The following MUC4 variants were observed in gnomAD, a reference collection of about 807,000 sequenced individuals.
MUC4 encodes the protein mucin-4.
MUC4 carries 202 observed loss-of-function variants against 257.9 expected under a neutral mutation model. The observed-to-expected ratio is 0.78, with a 90% CI of 0.70 to 0.88. MUC4 has a LOEUF of 0.88. Ranked by LOEUF, MUC4 falls within the 40% of genes least tolerant of loss-of-function variation. MUC4 has a pLI of 0.00. For synonymous variants in MUC4, 2,351 were observed against 2,757.1 expected (o/e 0.85, Z 4.62); for missense variants, 5,976 against 6,513.7 (o/e 0.92, Z 2.84).
chr3:195,767,590 ACCACCACCATCATCACCATTG>A lies in MUC4; in HGVS notation c.13530-860_13530-840del, dbSNP rs1302885500. Reference sequence around the variant, plus strand: ...CACCACCATCACCACCACCATCACCACCACCACCATCATCACCATTGCCACCACCATCACCACCATCACCAC... The same window carrying A: ...CACCACCATCACCACCACCATCACCACCACCACCATCACCACCATCACCAC... On this transcript the variant is annotated intron_variant, in intron 7 of 24. Transcript: ENST00000463781. Among the ~76,000 whole-genome samples the A allele has an allele frequency of 1.3e-4, 15 of 119,186 alleles. 1 individual carries two copies. Among genetic ancestry groups the A allele is most frequent in the African/African-American group, 4.0e-4 (10 of 25,080 alleles). The allele number at this position is 119,186 out of a possible 152,430, so 78.2% of individuals were successfully genotyped here.
rs1226168366 is a variant in MUC4, at chr3:195,778,216, G to A, written c.12943+87C>T. 4.8e-6 allele frequency: 7 copies of A among 1,464,074 alleles called. No homozygotes were observed. In the East Asian group the frequency reaches 7.3e-5, roughly 15 times the overall value. 90.7% of individuals were successfully genotyped at this position (1,464,074 alleles called of 1,614,324 possible). A position where few individuals can be genotyped will look rare whatever the true frequency, so the allele number is the denominator to read the frequency against. ...TCGGTAAGGCCCTCCCCACCCGAGA[G>A]AGCGGAGACTGTGGGAAGTAGGCTG... On this transcript the variant is annotated intron_variant, in intron 3 of 24. Coordinates refer to ENST00000463781, the MANE Select transcript of MUC4 (RefSeq NM_018406.7).
At chr3:195,752,149 G>T in intron 21 of MUC4, 1 of 561,886 alleles carries the variant, frequency 1.8e-6, no homozygotes, top group Non-Finnish European at 3.2e-6. Context: ...CTCGGCTGGG[G>T]TGACTTGGCA....
chr3:195,759,338 C>A (rs1006926985), intron 16 of MUC4, 77 bp from the exon 17 acceptor site: 2 of 1,559,004 alleles, frequency 1.3e-6, no homozygotes, highest in Non-Finnish European at 1.7e-6. Context: ...TTTCTCAACT[C>A]TAATATGTGT....
At position 195,780,298 on chromosome 3, in the gene MUC4, A is replaced by G. The variant is rs1256843470; in HGVS notation, c.11282T>C (p.Leu3761Pro). 6.6e-6 allele frequency: 10 copies of G among 1,520,126 alleles called. No individual in the cohort carries two copies. Among genetic ancestry groups the G allele is most frequent in the Middle Eastern group, 2.2e-4 (1 of 4,462 alleles). 94.2% of individuals were successfully genotyped at this position (1,520,126 alleles called of 1,614,324 possible). Residue 3761 changes from leucine (L) to proline (P), a missense_variant, in exon 2 of 25, where the codon CTT (leucine) becomes CCT (proline). Leu to Pro is a moderately conservative substitution (Grantham distance 98). This residue lies in a region of MUC4 where 330 missense variants were observed against 262.0 expected (regional missense o/e 1.26). Coordinates refer to ENST00000463781, the MANE Select transcript of MUC4 (RefSeq NM_018406.7). ...CACTGAGGAAGCGTCGGTGACAAGA[A>G]GAGGGGTGGCGTGACCTGTGGATGC... ...SSASTGHATP[L>P]LVTDASSVST...
rs1491301980 is a variant in MUC4, at chr3:195,746,905, T to TGC, written c.*269_*270dup. 18 of 550,896 alleles carry TGC rather than the reference T, an allele frequency of 3.3e-5. No homozygotes were observed. In the African/African-American group the frequency reaches 3.4e-4, roughly 11 times the overall value. 34.1% of individuals were successfully genotyped at this position (550,896 alleles called of 1,614,324 possible). ...GAACTCGTGTGTGTGTGTGTGTGTG[T>TGC]GCACGCGCGCGTGCACAGGCTAGTG... On this transcript the variant is annotated 3_prime_UTR_variant, in exon 25 of 25. Transcript: ENST00000463781.
In MUC4 at chr3:195,791,151, G is replaced by A; in HGVS notation, c.429C>T (p.Ser143=). ...CTGTGTTTCCAAGAGTGGAGTCTGT[G>A]GAGGTTGTCATTGTTATAGTCTTTG... The part of the protein sequence containing the change: ...MTSKTITMTT[S]TDSTLGNTEE... Residue 143 remains serine, a synonymous_variant, in exon 2 of 25, where the codon TCC becomes TCT. Transcript: ENST00000463781. 6.2e-7 allele frequency: 1 copy of A among 1,613,944 alleles called. No individual in the cohort carries two copies. Among genetic ancestry groups the A allele is most frequent in the Non-Finnish European group, 8.5e-7 (1 of 1,179,882 alleles).
rs754224224 is a variant in MUC4 at position 195,763,518 on chromosome 3, C to A, written c.14168G>T (p.Arg4723Leu). 2 of 1,565,008 alleles carry A rather than the reference C, an allele frequency of 1.3e-6. No individual in the cohort carries two copies. The highest frequency in any genetic ancestry group is 1.4e-5 in the African/African-American group (1 of 73,544). Residue 4723 changes from arginine (R) to leucine (L), a missense_variant, in exon 12 of 25, where the codon CGC becomes CTC. Coordinates refer to ENST00000463781, the MANE Select transcript of MUC4 (RefSeq NM_018406.7). ...DGNSSFLLQG[R>L]TAQTGSAQAT... Reference sequence around the variant, plus strand: ...CTGGGCTGAGCCAGTCTGGGCGGTGCGGCCCTGAAGCAGGAAGGAGGAGTT... The same window carrying A: ...CTGGGCTGAGCCAGTCTGGGCGGTGAGGCCCTGAAGCAGGAAGGAGGAGTT...
At position 195,751,217 on chromosome 3, in the gene MUC4, C is replaced by T. The variant is rs749877431; in HGVS notation, c.15637G>A (p.Val5213Met). 1.9e-6 allele frequency: 3 copies of T among 1,606,396 alleles called. No individual in the cohort carries two copies. The highest frequency in any genetic ancestry group is 2.5e-6 in the Non-Finnish European group (3 of 1,176,870). ...DMRAFLRNSQ[V>M]ERIDSAAPAS... ...CACAGTCCCACTTACATTCGTTCCA[C>T]TTGGCTGTTGCGGAGAAAGGCCCGC... is the stretch of plus-strand genomic sequence containing the variant. The change falls in exon 22 of 25, where the codon GTG becomes ATG. Residue 5213 changes from valine to methionine, a missense_variant. Physicochemically the swap from Val to Met is conservative, Grantham distance 21. This residue lies in a region of MUC4 where 996 missense variants were observed against 1,137.3 expected (regional missense o/e 0.88). Coordinates refer to ENST00000463781, the MANE Select transcript of MUC4 (RefSeq NM_018406.7).
rs1468025224 is a variant in MUC4, at chr3:195,750,926, C to T, written c.15834G>A (p.Gln5278=). 1 of 1,613,902 alleles carries T rather than the reference C, an allele frequency of 6.2e-7. No homozygotes were observed. Among genetic ancestry groups the T allele is most frequent in the Non-Finnish European group, 8.5e-7 (1 of 1,180,040 alleles). ...CGCGCACGTCTTCCCCGGAGATGGG[C>T]TGGAAGACCACGTCGTTCCTGGGCT... ...SEEPRNDVVF[Q]PISGEDVRDV... The change falls in exon 23 of 25, where the codon CAG becomes CAA. Residue 5278 remains glutamine (Q), a synonymous_variant. Coordinates refer to ENST00000463781, the MANE Select transcript of MUC4 (RefSeq NM_018406.7).
chr3:195,800,385 TG>T (rs1029835973), intron 1 of MUC4, among the ~76,000 whole-genome samples: 1 of 152,218 alleles, frequency 6.6e-6, no homozygotes, highest in African/African-American at 2.4e-5. Flanking sequence ...TAGAGTTTCC[TG>T]CTGCCGCAAA....
intron 4 of MUC4, among the ~76,000 whole-genome samples, chr3:195,773,601 T>G (rs1204262213): frequency 7.3e-6 from 1 of 137,376 alleles, no homozygotes; most frequent in Non-Finnish European, 1.6e-5. Flanking sequence ...TCAGCAGGTG[T>G]GGACACCCTC....
chr3:195,773,328 TG>T (rs201444158), intron 4 of MUC4, among the ~76,000 whole-genome samples: 3,767 of 119,210 alleles, frequency 0.032, 111 homozygotes, highest in Middle Eastern at 0.044. Context: ...GCTCAGCAGG[TG>T]TAGGCACCCC....
intron 21 of MUC4, chr3:195,751,501 C>A (rs564092566): frequency 1.7e-5 from 10 of 590,564 alleles, no homozygotes; most frequent in East Asian, 8.4e-5. Flanking sequence ...TCCATTCTGT[C>A]CCCCCCTCAG....
intron 3 of MUC4, among the ~76,000 whole-genome samples, chr3:195,777,898 A>T (rs77840946): frequency 3.9e-5 from 1 of 25,876 alleles, no homozygotes; most frequent in South Asian, 1.3e-3. Flanking sequence ...TACCTTCCAC[A>T]GCCATACCTT....
chr3:195,748,697 A>T (rs539363082), intron 24 of MUC4, among the ~76,000 whole-genome samples: 2 of 151,116 alleles, frequency 1.3e-5, no homozygotes, highest in Non-Finnish European at 3.0e-5. Context: ...AAGCCCCCCT[A>T]TGGCTCTTTT....
chr3:195,772,212 A>G (rs1578116699), intron 4 of MUC4, among the ~76,000 whole-genome samples: 2 of 149,590 alleles, frequency 1.3e-5, no homozygotes, highest in South Asian at 2.1e-4. Context: ...TCCATCGCTC[A>G]GTGGGTGGAG....
intron 2 of MUC4, 135 bp downstream of exon 2, chr3:195,778,655 T>C: frequency 7.9e-7 from 1 of 1,268,188 alleles, no homozygotes; most frequent in Admixed American, 2.5e-5. Flanking sequence ...ACCACACCCA[T>C]CACCTCCTCC....
intron 8 of MUC4, among the ~76,000 whole-genome samples, chr3:195,765,717 T>A (rs184989976): frequency 6.6e-6 from 1 of 152,360 alleles, no homozygotes; most frequent in East Asian, 1.9e-4. Flanking sequence ...AAGGCTAAAA[T>A]GTCCTTCAAC....
chr3:195,786,526 C>T lies in MUC4; in HGVS notation c.5054G>A (p.Gly1685Asp), dbSNP rs201019164. ...GTCATCTGTGGTAGCTGAGGAAAGG[C>T]CGGTGACAGGAAGAGGGGTGGCGTG... is the stretch of plus-strand genomic sequence containing the variant. ...TGHATPLPVTGLSSATTDDTT... is the reference protein window; with the variant it reads ...TGHATPLPVTDLSSATTDDTT... The change falls in exon 2 of 25, where the codon GGC becomes GAC. Residue 1685 changes from glycine to aspartate, a missense_variant. Coordinates refer to ENST00000463781, the MANE Select transcript of MUC4 (RefSeq NM_018406.7). 2.0e-5 allele frequency: 23 copies of T among 1,149,972 alleles called. 2 individuals are homozygous for T. Among genetic ancestry groups the T allele is most frequent in the African/African-American group, 1.1e-4 (4 of 37,788 alleles). 71.2% of individuals were successfully genotyped at this position (1,149,972 alleles called of 1,614,324 possible). A position where few individuals can be genotyped will look rare whatever the true frequency, so the allele number is the denominator to read the frequency against.
Sources: allele counts gnomAD v4.1 joint callset (sites outside exome capture counted in the v4.1 genomes callset), GRCh38; gene constraint gnomAD v4.1.1; regional missense constraint gnomAD v4.1.1; transcripts MANE v1.5; gene names NCBI Gene and HGNC (gene_info 2026-07-23, HGNC 2026-07-21).